NRG3: variants seen among roughly 807,000 people sequenced by gnomAD.
The protein encoded by NRG3 is neuregulin 3.
In NRG3, 31 loss-of-function variants were observed where a neutral mutation model predicts 66.9. The observed-to-expected ratio is 0.46, with a 90% CI of 0.35 to 0.63. NRG3 has a LOEUF of 0.63. NRG3 is among the 20% of genes least tolerant of loss of function. The pLI, the probability that NRG3 is intolerant of heterozygous loss-of-function variation, is 0.00. For synonymous variants in NRG3, 393 were observed against 359.4 expected, an observed-to-expected ratio of 1.09 and a Z score of -1.06; for missense variants, 910 against 878.9, an observed-to-expected ratio of 1.04 and a Z score of -0.45.
intron 1 of NRG3, among the ~76,000 whole-genome samples, chr10:81,898,222 C>T (rs1223486394): frequency 6.6e-6 from 1 of 152,152 alleles, no homozygotes; most frequent in Non-Finnish European, 1.5e-5. Context: ...GAGGGGGAAG[C>T]CAAGTGTTTG....
chr10:82,355,972 G>A (rs1320893854), intron 1 of NRG3, among the ~76,000 whole-genome samples: 1 of 152,154 alleles, frequency 6.6e-6, no homozygotes, highest in Non-Finnish European at 1.5e-5. Context: ...TGAAGGTTAA[G>A]CATGTGCATT....
chr10:82,958,816 G>T (rs765510315), intron 5 of NRG3, 133 bp from the exon 6 acceptor site: 21 of 1,012,538 alleles, frequency 2.1e-5, no homozygotes, highest in Non-Finnish European at 2.6e-5. Context: ...ATGAGAGAAG[G>T]GTTCTCTTCG....
intron 4 of NRG3, among the ~76,000 whole-genome samples, chr10:82,884,737 GGTTCTT>G (rs1464376449): frequency 1.7e-4 from 26 of 152,108 alleles, no homozygotes; most frequent in African/African-American, 6.0e-4. Flanking sequence ...AGAACCAAAT[GGTTCTT>G]ACTCTTCATA....
intron 1 of NRG3, among the ~76,000 whole-genome samples, chr10:82,042,735 A>T (rs939915038): frequency 6.6e-5 from 10 of 151,964 alleles, no homozygotes; most frequent in African/African-American, 2.4e-4. Context: ...AGTGTTCAGA[A>T]TTTTTCAACT....
intron 2 of NRG3, among the ~76,000 whole-genome samples, chr10:82,411,073 C>T (rs1284930983): frequency 6.6e-6 from 1 of 152,072 alleles, no homozygotes; most frequent in Admixed American, 6.6e-5. Flanking sequence ...CCACCACCAT[C>T]CCTGACTAAT....
At position 82,516,140 on chromosome 10, in the gene NRG3, T is replaced by TTGTG. The variant is rs112163903; in HGVS notation, c.953+157288_953+157291dup. 4.3e-3 allele frequency among the ~76,000 whole-genome samples: 643 copies of TTGTG among 150,236 alleles called. 6 individuals carry two copies. Among genetic ancestry groups the TTGTG allele is most frequent in the African/African-American group, 0.015 (624 of 41,090 alleles). On this transcript the variant is annotated intron_variant, in intron 2 of 8. Transcript: ENST00000372141. ...GTGTCTATTTTGAATGGTTGGAACA[T>TTGTG]TGTGTGTGTGTGTGTGTGTATGTGT...
At chr10:82,500,399 C>T (rs1336362771) in intron 2 of NRG3, among the ~76,000 whole-genome samples, 1 of 152,158 alleles carries the variant, frequency 6.6e-6, no homozygotes, top group Non-Finnish European at 1.5e-5. Context: ...CTTGGCAAGT[C>T]CACCCAAACC....
At chr10:82,216,674 A>G (rs1208412154) in intron 1 of NRG3, among the ~76,000 whole-genome samples, 1 of 151,404 alleles carries the variant, frequency 6.6e-6, no homozygotes, top group Non-Finnish European at 1.5e-5. Flanking sequence ...ATGTATTTTT[A>G]TAAATCTTAA....
chr10:82,154,705 G>A (rs1176208811), intron 1 of NRG3, among the ~76,000 whole-genome samples: 5 of 151,248 alleles, frequency 3.3e-5, no homozygotes, highest in African/African-American at 7.3e-5. Context: ...CATAAGCACG[G>A]GATTTCTTTC....
chr10:82,164,705 A>G (rs1188061366), intron 1 of NRG3, among the ~76,000 whole-genome samples: 1 of 152,212 alleles, frequency 6.6e-6, no homozygotes, highest in Admixed American at 6.6e-5. Flanking sequence ...AGGTAAGAAA[A>G]GAAAACAGTC....
At chr10:82,786,617 C>G (rs1253982450) in intron 3 of NRG3, among the ~76,000 whole-genome samples, 1 of 152,022 alleles carries the variant, frequency 6.6e-6, no homozygotes, top group African/African-American at 2.4e-5. Context: ...GGATTTTGAA[C>G]TTTTGAGGTG....
At chr10:82,632,939 A>G (rs1420999939) in intron 2 of NRG3, among the ~76,000 whole-genome samples, 1 of 152,182 alleles carries the variant, frequency 6.6e-6, no homozygotes, top group Non-Finnish European at 1.5e-5. Context: ...TAGTTAAGGT[A>G]TCTGGATATA....
chr10:82,880,432 T>C (rs192705382), intron 4 of NRG3, among the ~76,000 whole-genome samples: 1 of 152,358 alleles, frequency 6.6e-6, no homozygotes, highest in East Asian at 1.9e-4. Context: ...GGAATTTTTT[T>C]CCACTATATA....
intron 1 of NRG3, among the ~76,000 whole-genome samples, chr10:82,302,628 A>G (rs1035999096): frequency 6.6e-6 from 1 of 152,176 alleles, no homozygotes; most frequent in Non-Finnish European, 1.5e-5. Context: ...TTTTAAAATA[A>G]CATCAGAGTT....
At chr10:82,610,746 A>T (rs1026785435) in intron 2 of NRG3, among the ~76,000 whole-genome samples, 1 of 152,180 alleles carries the variant, frequency 6.6e-6, no homozygotes, top group African/African-American at 2.4e-5. Context: ...ACAAAGACCT[A>T]AGGTCTCATT....
chr10:82,854,894 T>TATC (rs2063731648), intron 3 of NRG3, among the ~76,000 whole-genome samples: 1 of 152,330 alleles, frequency 6.6e-6, no homozygotes, highest in South Asian at 2.1e-4. Context: ...TTTTCTACCA[T>TATC]ATCCACTACA....
intron 2 of NRG3, among the ~76,000 whole-genome samples, chr10:82,486,651 A>G (rs1220434258): frequency 6.6e-6 from 1 of 152,164 alleles, no homozygotes. Flanking sequence ...TGACCTCGTG[A>G]TCTGCCCACC....
intron 4 of NRG3, among the ~76,000 whole-genome samples, chr10:82,866,935 G>T (rs974215655): frequency 1.3e-5 from 2 of 152,106 alleles, no homozygotes; most frequent in Non-Finnish European, 1.5e-5. Context: ...TTGTCTAATG[G>T]ATATTCCAGT....
At chr10:82,522,342 G>T (rs1331919260) in intron 2 of NRG3, among the ~76,000 whole-genome samples, 1 of 152,044 alleles carries the variant, frequency 6.6e-6, no homozygotes, top group East Asian at 1.9e-4. Context: ...ACTGCGCCTG[G>T]CCTCCACTGA....
Sources: allele counts gnomAD v4.1 joint callset (sites outside exome capture counted in the v4.1 genomes callset), GRCh38; gene constraint gnomAD v4.1.1; transcripts MANE v1.5; gene names NCBI Gene and HGNC (gene_info 2026-07-23, HGNC 2026-07-21).